Variants in GPC5 observed in about 807,000 individuals in gnomAD.
GPC5 encodes the protein glypican 5.
Under a neutral mutation model 53.9 loss-of-function variants are expected in GPC5, and 47 were observed. The observed-to-expected ratio is 0.87, with a 90% CI of 0.69 to 1.11. The LOEUF (loss-of-function observed/expected upper bound fraction) is 1.11. Among genes scored for constraint, GPC5 ranks in the 50% most tolerant of loss-of-function variants. The pLI is 0.00. For synonymous variants in GPC5, 286 were observed against 263.3 expected (o/e 1.09, Z -0.84); for missense variants, 748 against 713.1 (o/e 1.05, Z -0.56).
chr13:92,692,754 A>ATTTT lies in GPC5; in HGVS notation c.1562-173509_1562-173506dup, dbSNP rs71272284. ...CTCCAAAGCCTCACCAATATCGGCT[A>ATTTT]TTTTTTTTTTTTTTTTTTTTTTACA... On this transcript the variant is annotated intron_variant, in intron 7 of 7. Transcript: ENST00000377067. Among the ~76,000 whole-genome samples the ATTTT allele has an allele frequency of 2.8e-4, 23 of 81,030 alleles. 1 individual carries two copies. Among genetic ancestry groups the ATTTT allele is most frequent in the East Asian group, 1.7e-3 (2 of 1,182 alleles). The allele number at this position is 81,030 out of a possible 152,430, so 53.2% of individuals were successfully genotyped here.
At chr13:92,832,782 C>T (rs545285707) in intron 7 of GPC5, among the ~76,000 whole-genome samples, 3 of 152,054 alleles carry the variant, frequency 2.0e-5, no homozygotes, top group Non-Finnish European at 2.9e-5. Flanking sequence ...CCAAGGTGGG[C>T]AGATCACTTG....
At chr13:92,712,672 A>G (rs1219248645) in intron 7 of GPC5, among the ~76,000 whole-genome samples, 1 of 152,196 alleles carries the variant, frequency 6.6e-6, no homozygotes, top group African/African-American at 2.4e-5. Context: ...TGCAAACCAC[A>G]TGATACAGAC....
intron 7 of GPC5, among the ~76,000 whole-genome samples, chr13:92,760,587 A>AT (rs200252255): frequency 0.018 from 2,598 of 142,072 alleles, 35 homozygotes; most frequent in South Asian, 0.029. Flanking sequence ...GAGTTTTTCA[A>AT]TTTTTTTTTT....
intron 5 of GPC5, among the ~76,000 whole-genome samples, chr13:91,797,956 A>C (rs757030014): frequency 6.6e-6 from 1 of 152,166 alleles, no homozygotes; most frequent in Non-Finnish European, 1.5e-5. Flanking sequence ...GTAAGTGCAC[A>C]TTGTTGGGCG....
intron 6 of GPC5, among the ~76,000 whole-genome samples, chr13:91,913,673 C>A (rs957052479): frequency 6.6e-6 from 1 of 152,080 alleles, no homozygotes; most frequent in Non-Finnish European, 1.5e-5. Flanking sequence ...GGAACCTTGG[C>A]GACAGAGGGG....
intron 6 of GPC5, among the ~76,000 whole-genome samples, chr13:92,088,898 AGTGCAATG>A (rs1454141504): frequency 1.3e-5 from 2 of 152,204 alleles, no homozygotes; most frequent in African/African-American, 4.8e-5. Context: ...GTGATAGCAT[AGTGCAATG>A]GTGCCACAGA....
At chr13:92,430,765 G>A (rs1877048891) in intron 7 of GPC5, among the ~76,000 whole-genome samples, 1 of 152,036 alleles carries the variant, frequency 6.6e-6, no homozygotes, top group Non-Finnish European at 1.5e-5. Flanking sequence ...AATACAAGTG[G>A]GTGAGGGACA....
chr13:92,631,645 C>A (rs576937495), intron 7 of GPC5, among the ~76,000 whole-genome samples: 1 of 152,068 alleles, frequency 6.6e-6, no homozygotes, highest in Non-Finnish European at 1.5e-5. Flanking sequence ...ACTGCTTTTG[C>A]GCCAACCTAA....
chr13:92,364,053 T>A (rs1268315296), intron 7 of GPC5, among the ~76,000 whole-genome samples: 1 of 151,690 alleles, frequency 6.6e-6, no homozygotes, highest in African/African-American at 2.4e-5. Flanking sequence ...TTATTAAGCA[T>A]ATAAATTGGT....
intron 7 of GPC5, among the ~76,000 whole-genome samples, chr13:92,753,044 G>A (rs2139328302): frequency 6.6e-6 from 1 of 152,336 alleles, no homozygotes. Flanking sequence ...GCAGGGCACA[G>A]ACAAACAAAA....
chr13:91,702,819 T>C (rs537012966), intron 3 of GPC5, among the ~76,000 whole-genome samples: 1 of 152,182 alleles, frequency 6.6e-6, no homozygotes, highest in African/African-American at 2.4e-5. Flanking sequence ...TCATCAATTT[T>C]TATAGTTTTC....
chr13:92,692,633 A>C (rs563051675), intron 7 of GPC5, among the ~76,000 whole-genome samples: 1 of 151,876 alleles, frequency 6.6e-6, no homozygotes, highest in South Asian at 2.1e-4. Flanking sequence ...ATACATGTGT[A>C]ACTAACCTGC....
At chr13:92,260,964 T>C (rs573519316) in intron 7 of GPC5, among the ~76,000 whole-genome samples, 1 of 152,286 alleles carries the variant, frequency 6.6e-6, no homozygotes, top group Admixed American at 6.5e-5. Context: ...TCAGTTGTTA[T>C]AGTAGTTGAA....
chr13:91,528,551 C>T (rs2152578), intron 2 of GPC5, among the ~76,000 whole-genome samples: 125,870 of 152,188 alleles, frequency 0.83, 54,391 homozygotes, highest in East Asian at 1. Context: ...CACATCTTCC[C>T]GTCTTCTTTT....
At position 92,147,440 on chromosome 13, in the gene GPC5, T is replaced by C. The variant is rs188345379; in HGVS notation, c.1561+2451T>C. Among the ~76,000 whole-genome samples, 748 of 152,098 alleles carry C rather than the reference T, an allele frequency of 4.9e-3. 3 individuals carry two copies. The highest frequency in any genetic ancestry group is 0.016 in the African/African-American group (683 of 41,542). ...AAATAGTATATTTATAGGAAGTTTT[T>C]TACTTCATGAAGTTATTTACAAGTT... is the stretch of plus-strand genomic sequence containing the variant. On this transcript the variant is annotated intron_variant, in intron 7 of 7. Coordinates refer to ENST00000377067, the MANE Select transcript of GPC5 (RefSeq NM_004466.6).
chr13:92,270,075 G>C (rs2042829710), intron 7 of GPC5, among the ~76,000 whole-genome samples: 2 of 152,150 alleles, frequency 1.3e-5, no homozygotes, highest in African/African-American at 2.4e-5. Flanking sequence ...TGGGGAAGGG[G>C]AGGCTCCCAC....
chr13:92,498,843 C>T (rs573542771), intron 7 of GPC5, among the ~76,000 whole-genome samples: 6 of 152,070 alleles, frequency 3.9e-5, no homozygotes, highest in South Asian at 4.2e-4. Flanking sequence ...GCATATTATC[C>T]GGCATAGATA....
intron 5 of GPC5, among the ~76,000 whole-genome samples, chr13:91,801,312 ATGTT>A (rs2038133264): frequency 6.8e-6 from 1 of 146,482 alleles, no homozygotes; most frequent in South Asian, 2.2e-4. Context: ...AGAAATCAGA[ATGTT>A]TGGTCTGTTT....
intron 1 of GPC5, among the ~76,000 whole-genome samples, chr13:91,416,474 T>TATTATTATTATTATTATA (rs1878236593): frequency 6.6e-6 from 1 of 152,048 alleles, no homozygotes; most frequent in Non-Finnish European, 1.5e-5. Flanking sequence ...TTATTATTAT[T>TATTATTATTATTATTATA]ATACTTTAAG....
Sources: gnomAD v4.1 joint callset for allele counts (sites outside exome capture counted in the v4.1 genomes callset) on GRCh38, gnomAD v4.1.1 for gene constraint, MANE v1.5 for transcripts, NCBI Gene and HGNC (gene_info 2026-07-23, HGNC 2026-07-21) for gene names.